Variants in TIAM1 observed in about 807,000 individuals in gnomAD.
The protein encoded by TIAM1 is rho guanine nucleotide exchange factor TIAM1.
Under a neutral mutation model 163.5 loss-of-function variants are expected in TIAM1, and 65 were observed. The observed-to-expected ratio is 0.40, with a 90% CI of 0.33 to 0.49. The LOEUF (loss-of-function observed/expected upper bound fraction) is 0.49, where lower values mean the gene tolerates loss of function less well. Among genes scored for constraint, TIAM1 ranks in the 20% least tolerant of loss-of-function variants. The probability of loss-of-function intolerance (pLI) is 0.77; values close to 1 mark genes in which losing one functional copy is unlikely to be tolerated. For missense variants in TIAM1, 1,789 were observed against 2,044.7 expected (o/e 0.87, Z 2.41); for synonymous variants, 833 against 810.1 (o/e 1.03, Z -0.48).
At chr21:31,179,878 G>A (rs551309339) in intron 15 of TIAM1, among the ~76,000 whole-genome samples, 3 of 150,204 alleles carry the variant, frequency 2.0e-5, no homozygotes, top group East Asian at 2.0e-4. Context: ...GCAAACACAC[G>A]TACACGTACA....
intron 2 of TIAM1, among the ~76,000 whole-genome samples, chr21:31,323,760 G>A (rs1432690556): frequency 2.6e-5 from 4 of 152,188 alleles, no homozygotes; most frequent in Non-Finnish European, 5.9e-5. Context: ...GAGCCCGGGA[G>A]GCAGAGGTTG....
chr21:31,285,928 G>A (rs554535336), intron 2 of TIAM1, among the ~76,000 whole-genome samples: 1 of 152,262 alleles, frequency 6.6e-6, no homozygotes, highest in South Asian at 2.1e-4. Context: ...CAGATAATGA[G>A]AAAGCTTTTA....
chr21:31,534,050 G>T (rs956977191), intron 1 of TIAM1, among the ~76,000 whole-genome samples: 1 of 152,124 alleles, frequency 6.6e-6, no homozygotes, highest in Non-Finnish European at 1.5e-5. Context: ...GGAAATACCC[G>T]CCTGGCATCC....
chr21:31,131,328 T>C lies in TIAM1; in HGVS notation c.3884-380A>G, dbSNP rs957993965. Among the ~76,000 whole-genome samples the C allele has an allele frequency of 2.6e-5, 4 of 152,202 alleles. No homozygotes were observed. The East Asian group carries it at 7.7e-4, about 29-fold the overall frequency. On this transcript the variant is annotated intron_variant, in intron 23 of 27. Transcript: ENST00000541036. ...AACGTCTTTCACAATAACAATGCAA[T>C]TGCTGAAGATGATTTACATTTATGC...
intron 2 of TIAM1, among the ~76,000 whole-genome samples, chr21:31,321,904 T>G (rs935730833): frequency 4.0e-5 from 6 of 151,722 alleles, no homozygotes; most frequent in Non-Finnish European, 5.9e-5. Flanking sequence ...AATACAAAAA[T>G]TAGCCAGGTA....
intron 2 of TIAM1, among the ~76,000 whole-genome samples, chr21:31,430,291 A>G (rs1373620501): frequency 6.7e-6 from 1 of 148,712 alleles, no homozygotes; most frequent in Non-Finnish European, 1.5e-5. Flanking sequence ...TATATATTGC[A>G]CAGTGGGGAA....
intron 5 of TIAM1, among the ~76,000 whole-genome samples, chr21:31,248,755 C>G (rs2071636786): frequency 1.3e-5 from 2 of 152,126 alleles, no homozygotes; most frequent in South Asian, 4.1e-4. Context: ...GGGAACCCAT[C>G]AGGATGAAGC....
intron 23 of TIAM1, among the ~76,000 whole-genome samples, chr21:31,134,569 G>A (rs2082544459): frequency 6.6e-6 from 1 of 152,168 alleles, no homozygotes; most frequent in East Asian, 1.9e-4. Flanking sequence ...GGAGTCCAGT[G>A]GAACGATCTC....
At chr21:31,231,508 T>C (rs531478881) in intron 6 of TIAM1, among the ~76,000 whole-genome samples, 2 of 152,304 alleles carry the variant, frequency 1.3e-5, no homozygotes, top group Non-Finnish European at 1.5e-5. Flanking sequence ...CAATCCATTC[T>C]GATGTCAGAG....
intron 2 of TIAM1, among the ~76,000 whole-genome samples, chr21:31,378,174 GGAGA>G (rs1252308960): frequency 6.7e-6 from 1 of 149,454 alleles, no homozygotes. Context: ...AAAAGCTGCA[GGAGA>G]GAGAATGACA....
At chr21:31,147,787 AAT>A (rs373598678) in intron 19 of TIAM1, among the ~76,000 whole-genome samples, 110 of 139,840 alleles carry the variant, frequency 7.9e-4, no homozygotes, top group Middle Eastern at 3.7e-3. Context: ...ATTATATTAA[AAT>A]ATATATATAT....
chr21:31,351,219 G>A (rs772221420), intron 2 of TIAM1, among the ~76,000 whole-genome samples: 15 of 152,170 alleles, frequency 9.9e-5, no homozygotes, highest in Non-Finnish European at 2.2e-4. Context: ...AAGAAAGGAG[G>A]TCTTATAAAT....
rs553621185 is a variant in TIAM1 at position 31,272,369 on chromosome 21, T to C, written c.-12+4363A>G. Among the ~76,000 whole-genome samples the C allele has an allele frequency of 7.2e-5, 11 of 152,032 alleles. No individual in the cohort carries two copies. The East Asian group carries it at 1.9e-3, about 27-fold the overall frequency. Reference sequence around the variant, plus strand: ...TTAAAAGGTATTTTAAGAAACTTTATCAATATACACAAATACTTATTAGTT... The same window carrying C: ...TTAAAAGGTATTTTAAGAAACTTTACCAATATACACAAATACTTATTAGTT... On this transcript the variant is annotated intron_variant, in intron 3 of 27. Coordinates refer to ENST00000541036, the MANE Select transcript of TIAM1 (RefSeq NM_001353694.2).
chr21:31,350,594 G>C (rs1386293420), intron 2 of TIAM1, among the ~76,000 whole-genome samples: 1 of 152,098 alleles, frequency 6.6e-6, no homozygotes, highest in African/African-American at 2.4e-5. Context: ...TTGTATAAAA[G>C]TTTGTGGCAT....
chr21:31,258,797 G>A (rs993236046), intron 4 of TIAM1, among the ~76,000 whole-genome samples: 4 of 143,206 alleles, frequency 2.8e-5, no homozygotes, highest in Non-Finnish European at 4.5e-5. Flanking sequence ...CCTGGCGACA[G>A]AGTGAGACTC....
At chr21:31,397,067 T>G (rs2077085907) in intron 2 of TIAM1, among the ~76,000 whole-genome samples, 1 of 152,142 alleles carries the variant, frequency 6.6e-6, no homozygotes. Flanking sequence ...GCGAACAACA[T>G]TCTAGCAAGA....
At chr21:31,546,589 C>CGAAAGAAAGAAAGAAAGAAAGAA (rs2048503200) in intron 1 of TIAM1, among the ~76,000 whole-genome samples, 1 of 133,980 alleles carries the variant, frequency 7.5e-6, no homozygotes, top group African/African-American at 2.5e-5. Context: ...AGAAAGAAAC[C>CGAAAGAAAGAAAGAAAGAAAGAA]AGAGCATGCC....
chr21:31,548,853 A>C (rs1333896564), intron 1 of TIAM1, among the ~76,000 whole-genome samples: 1 of 152,028 alleles, frequency 6.6e-6, no homozygotes, highest in African/African-American at 2.4e-5. Context: ...GCACTGGAGG[A>C]TGTTCAGCAG....
chr21:31,421,556 A>G (rs1291122741), intron 2 of TIAM1, among the ~76,000 whole-genome samples: 3 of 152,060 alleles, frequency 2.0e-5, no homozygotes, highest in Non-Finnish European at 4.4e-5. Context: ...TAGGTTGCGC[A>G]CTCCTTATGA....
Sources: allele counts gnomAD v4.1 joint callset (sites outside exome capture counted in the v4.1 genomes callset), GRCh38; gene constraint gnomAD v4.1.1; transcripts MANE v1.5; gene names NCBI Gene and HGNC (gene_info 2026-07-23, HGNC 2026-07-21).